HERC5: variants seen among roughly 807,000 people sequenced by gnomAD.
HERC5 encodes the protein E3 ISG15--protein ligase HERC5.
A neutral mutation model predicts 119.6 loss-of-function variants in HERC5; 99 were observed. The observed-to-expected ratio is 0.83, with a 90% CI of 0.70 to 0.98. HERC5 has a LOEUF of 0.98. HERC5 is among the 50% of genes least tolerant of loss of function. The probability of loss-of-function intolerance (pLI) is 0.00; values close to 1 mark genes in which losing one functional copy is unlikely to be tolerated. For missense variants in HERC5, 1,267 were observed against 1,241.3 expected, an observed-to-expected ratio of 1.02 and a Z score of -0.31; for synonymous variants, 478 against 445.9, an observed-to-expected ratio of 1.07 and a Z score of -0.91.
intron 13 of HERC5, among the ~76,000 whole-genome samples, chr4:88,483,832 C>G (rs563460047): frequency 6.6e-6 from 1 of 152,244 alleles, no homozygotes; most frequent in Admixed American, 6.5e-5. Flanking sequence ...GCCTGGCCTT[C>G]TATTAGGTTT....
At chr4:88,488,803 GCAGTGCACTGTTT>G (rs1296855686) in intron 15 of HERC5, among the ~76,000 whole-genome samples, 1 of 151,916 alleles carries the variant, frequency 6.6e-6, no homozygotes, top group Non-Finnish European at 1.5e-5. Context: ...GCATCATGTT[GCAGTGCACTGTTT>G]CAGTGGATAC....
intron 4 of HERC5, among the ~76,000 whole-genome samples, chr4:88,462,831 G>A (rs1019125977): frequency 1.3e-5 from 2 of 152,164 alleles, no homozygotes; most frequent in Non-Finnish European, 2.9e-5. Context: ...AATTATGTCT[G>A]TAAACACACA....
rs1740183990 is a variant in HERC5, at chr4:88,457,329, C to T, written c.60C>T (p.Ala20=). The change falls in exon 1 of 23, where the codon GCC becomes GCT. Residue 20 remains alanine (A), a synonymous_variant. Coordinates refer to ENST00000264350, the MANE Select transcript of HERC5 (RefSeq NM_016323.4). The stretch of plus-strand genomic sequence containing the variant: ...ACGGGCGCTCGACCGCGGGCAAGGC[C>T]GCCGCGACCCAGCCCGCGAAGTCTC... The part of the protein sequence containing the change: ...RRNGRSTAGK[A]AATQPAKSPG... 1 of 1,400,572 alleles carries T rather than the reference C, an allele frequency of 7.1e-7. No individual in the cohort carries two copies. Among genetic ancestry groups the T allele is most frequent in the South Asian group, 1.5e-5 (1 of 66,548 alleles). The allele number at this position is 1,400,572 out of a possible 1,614,324, so 86.8% of individuals were successfully genotyped here.
rs759493528 is a variant in HERC5 at position 88,463,514 on chromosome 4, A to C, written c.689-18A>C. 1.1e-5 allele frequency: 18 copies of C among 1,575,286 alleles called. No homozygotes were observed. The highest frequency in any genetic ancestry group is 1.6e-5 in the Non-Finnish European group (18 of 1,146,112). On this transcript the variant is annotated intron_variant, in intron 4 of 22. Transcript: ENST00000264350. Reference sequence around the variant, plus strand: ...GCATTTCCTTTTGGTCACTTCAGCTATTTTTTTCCTTACATAGGTAAAGAT... The same window carrying C: ...GCATTTCCTTTTGGTCACTTCAGCTCTTTTTTTCCTTACATAGGTAAAGAT...
rs1740907263 is a variant in HERC5, at chr4:88,472,458, A to C, written c.1348A>C (p.Asn450His). The C allele has an allele frequency of 1.2e-6, 2 of 1,603,744 alleles. No individual in the cohort carries two copies. The highest frequency in any genetic ancestry group is 3.4e-5 in the Admixed American group (2 of 59,520). The change falls in exon 11 of 23, where the codon AAC becomes CAC. Residue 450 changes from asparagine (N) to histidine (H), a missense_variant. Physicochemically the swap from Asn to His is moderately conservative, Grantham distance 68. Around this residue, in one of 3 missense-constraint regions of HERC5, gnomAD observed 777 missense variants for 758.0 expected, o/e 1.03. Transcript: ENST00000264350. ...TTATTTGGACTTAAATAAAGCAAGA[A>C]ACATCTTCAAGGAGTTAACCCAAAA... ...PVYLDLNKAR[N>H]IFKELTQKDW...
intron 1 of HERC5, chr4:88,457,821 G>T (rs1740230512): frequency 1.2e-6 from 1 of 807,814 alleles, no homozygotes; most frequent in Non-Finnish European, 1.6e-6. Flanking sequence ...AGCCAGTCTG[G>T]CTTTCTCATA....
At position 88,468,369 on chromosome 4, in the gene HERC5, TTAA is replaced by T. The variant is rs1362189920; in HGVS notation, c.1086_1088del (p.Ile362del). The stretch of plus-strand genomic sequence containing the variant: ...AGAAAGCCATACCTCAGAAAAGGAG[TTAA>T]TAATGATTGCTGGAGGGAATCAAAG... On this transcript the variant is annotated inframe_deletion, in exon 8 of 23. Transcript: ENST00000264350. The T allele has an allele frequency of 6.2e-7, 1 of 1,611,382 alleles. No homozygotes were observed. The highest frequency in any genetic ancestry group is 8.5e-7 in the Non-Finnish European group (1 of 1,178,678).
chr4:88,482,270 A>G (rs1317757158), intron 13 of HERC5, among the ~76,000 whole-genome samples: 1 of 151,428 alleles, frequency 6.6e-6, no homozygotes, highest in Non-Finnish European at 1.5e-5. Context: ...AGATTGCGTC[A>G]CTGCACTCCA....
chr4:88,464,911 C>T (rs1469288357), intron 6 of HERC5, among the ~76,000 whole-genome samples: 1 of 152,218 alleles, frequency 6.6e-6, no homozygotes, highest in African/African-American at 2.4e-5. Context: ...GCTGGGACTA[C>T]AGGCGCCCGC....
intron 13 of HERC5, among the ~76,000 whole-genome samples, chr4:88,484,967 A>G (rs1453663405): frequency 6.6e-6 from 1 of 152,008 alleles, no homozygotes; most frequent in South Asian, 2.1e-4. Flanking sequence ...GGTACCTAAT[A>G]TATCATACTG....
At chr4:88,462,541 A>G (rs1740481720) in intron 4 of HERC5, among the ~76,000 whole-genome samples, 185 bp downstream of exon 4, 1 of 152,208 alleles carries the variant, frequency 6.6e-6, no homozygotes, top group South Asian at 2.1e-4. Context: ...TGTTACTGTA[A>G]TTGAGACATG....
In HERC5 at chr4:88,505,839, G is replaced by A. The variant is rs376617022; in HGVS notation, c.3036G>A (p.Ala1012=). Residue 1012 remains alanine, a synonymous_variant, in exon 23 of 23, where the codon GCG becomes GCA. Transcript: ENST00000264350. ...CTACAATGGAAACAGTTGAAGAAGC[G>A]CTTCAAGAAGCCATCAACAACAACA... ...KYSTMETVEE[A]LQEAINNNRG... is the part of the protein sequence containing the mutation. 11 of 1,612,812 alleles carry A rather than the reference G, an allele frequency of 6.8e-6. No homozygotes were observed. The East Asian group carries it at 8.9e-5, about 13-fold the overall frequency.
chr4:88,489,197 C>G lies in HERC5; in HGVS notation c.1994C>G (p.Ala665Gly). The G allele has an allele frequency of 1.2e-6, 2 of 1,612,974 alleles. No individual in the cohort carries two copies. Among genetic ancestry groups the G allele is most frequent in the Non-Finnish European group, 1.7e-6 (2 of 1,179,606 alleles). The change falls in exon 16 of 23, where the codon GCA becomes GGA. Residue 665 changes from alanine to glycine, a missense_variant. Transcript: ENST00000264350. Reference sequence around the variant, plus strand: ...AAACATAAAGCTTATCTTAGGTCGGCAGCAATTGAGGAAGAAAGAGAGTCT... The same window carrying G: ...AAACATAAAGCTTATCTTAGGTCGGGAGCAATTGAGGAAGAAAGAGAGTCT... ...SKKHKAYLRS[A>G]AIEEERESEF... is the part of the protein sequence containing the mutation.
At chr4:88,489,077 C>A (rs1741553034) in intron 15 of HERC5, 89 bp from the exon 16 acceptor site, 4 of 1,029,530 alleles carry the variant, frequency 3.9e-6, no homozygotes, top group Non-Finnish European at 5.8e-6. Context: ...CACTTATAAG[C>A]AGAACCAGTT....
intron 11 of HERC5, 84 bp from the exon 12 acceptor site, chr4:88,475,757 T>G (rs987364954): frequency 8.8e-7 from 1 of 1,134,094 alleles, no homozygotes; most frequent in South Asian, 1.3e-5. Flanking sequence ...CATTCCAGCC[T>G]CTACACCTTG....
At chr4:88,462,417 G>A in intron 4 of HERC5, 61 bp downstream of exon 4, 1 of 1,351,454 alleles carries the variant, frequency 7.4e-7, no homozygotes. Context: ...TGAATTTAAT[G>A]GACCTCCCTG....
At position 88,469,207 on chromosome 4, in the gene HERC5, T is replaced by A; in HGVS notation, c.1185T>A (p.Thr395=). 1 of 1,613,598 alleles carries A rather than the reference T, an allele frequency of 6.2e-7. No homozygotes were observed. Among genetic ancestry groups the A allele is most frequent in the Non-Finnish European group, 8.5e-7 (1 of 1,179,564 alleles). The change falls in exon 9 of 23, where the codon ACT becomes ACA. Residue 395 remains threonine, a synonymous_variant. Transcript: ENST00000264350. ...KRTIPTLNEG[T]VKRWIADVET... ...CAATTCCTACTCTGAATGAAGGGAC[T>A]GTAAAGAGATGGATTGCTGATGTGG... is the stretch of plus-strand genomic sequence containing the variant.
At position 88,485,502 on chromosome 4, in the gene HERC5, T is replaced by C. The variant is rs145637132; in HGVS notation, c.1738-613T>C. ...GAACATTCTAGACACATGGTTTCAG[T>C]GCATATAGCCAAGATGAGTTTTTAG... On this transcript the variant is annotated intron_variant, in intron 13 of 22. Coordinates refer to ENST00000264350, the MANE Select transcript of HERC5 (RefSeq NM_016323.4). 8.1e-3 allele frequency among the ~76,000 whole-genome samples: 1,231 copies of C among 152,316 alleles called. 5 individuals are homozygous for C. Among genetic ancestry groups the C allele is most frequent in the Non-Finnish European group, 0.013 (911 of 68,022 alleles).
At position 88,505,648 on chromosome 4, in the gene HERC5, T is replaced by G. The variant is rs114399832; in HGVS notation, c.2870-25T>G. On this transcript the variant is annotated intron_variant, in intron 22 of 22. Transcript: ENST00000264350. The stretch of plus-strand genomic sequence containing the variant: ...ATTTTGGTCTCCATGTAAAACAGAT[T>G]GCCTAATTTTATTCTTCTTTTTAGT... 2,167 of 1,358,224 alleles carry G rather than the reference T, an allele frequency of 1.6e-3. 20 individuals carry two copies. The African/African-American group carries it at 0.024, about 15-fold the overall frequency. 84.1% of individuals were successfully genotyped at this position (1,358,224 alleles called of 1,614,324 possible). A position where few individuals can be genotyped will look rare whatever the true frequency, so the allele number is the denominator to read the frequency against.
Sources: gnomAD v4.1 joint callset for allele counts (sites outside exome capture counted in the v4.1 genomes callset) on GRCh38, gnomAD v4.1.1 for gene constraint, gnomAD v4.1.1 regional missense constraint, MANE v1.5 for transcripts, NCBI Gene and HGNC (gene_info 2026-07-23, HGNC 2026-07-21) for gene names.